TENM4: variants seen among roughly 807,000 people sequenced by gnomAD.
TENM4 encodes the protein teneurin transmembrane protein 4, also known as teneurin-4.
A neutral mutation model predicts 243.3 loss-of-function variants in TENM4; 82 were observed. The ratio of observed to expected loss-of-function variants is 0.34; its 90% confidence interval spans 0.28 to 0.40. The LOEUF (loss-of-function observed/expected upper bound fraction) is 0.40, where lower values mean the gene tolerates loss of function less well. TENM4 is among the 10% of genes least tolerant of loss of function. The probability of loss-of-function intolerance (pLI) is 1.00; values close to 1 mark genes in which losing one functional copy is unlikely to be tolerated. For synonymous variants in TENM4, 1,412 were observed against 1,456.3 expected (o/e 0.97, Z 0.69); for missense variants, 3,138 against 3,673.3 (o/e 0.85, Z 3.77).
intron 2 of TENM4, among the ~76,000 whole-genome samples, chr11:79,233,326 G>A (rs1222866908): frequency 1.3e-5 from 2 of 152,172 alleles, no homozygotes; most frequent in Non-Finnish European, 2.9e-5. Flanking sequence ...GTGGCTGGTT[G>A]GATGGTTAAA....
chr11:79,292,514 C>T (rs1223755111), intron 2 of TENM4, among the ~76,000 whole-genome samples: 1 of 152,248 alleles, frequency 6.6e-6, no homozygotes, highest in Non-Finnish European at 1.5e-5. Flanking sequence ...GCTTCCTAGC[C>T]TTCACCAGCT....
At chr11:78,899,557 A>AGCG (rs1855877857) in intron 7 of TENM4, among the ~76,000 whole-genome samples, 3 of 33,458 alleles carry the variant, frequency 9.0e-5, no homozygotes, top group South Asian at 1.8e-3. Flanking sequence ...TGTCTCAAAA[A>AGCG]GCGGGGGGGG....
intron 3 of TENM4, among the ~76,000 whole-genome samples, chr11:79,190,362 C>A (rs1254483769): frequency 6.6e-6 from 1 of 152,182 alleles, no homozygotes; most frequent in East Asian, 1.9e-4. Context: ...TAAGTGAGAT[C>A]ACACGTGTAA....
intron 12 of TENM4, among the ~76,000 whole-genome samples, chr11:78,820,249 T>C (rs1192277396): frequency 1.6e-4 from 25 of 152,220 alleles, no homozygotes; most frequent in Admixed American, 1.6e-3. Context: ...TTATGAGACA[T>C]AGGTACTTAT....
intron 6 of TENM4, among the ~76,000 whole-genome samples, chr11:79,013,850 C>T (rs562357165): frequency 3.3e-5 from 5 of 152,334 alleles, no homozygotes; most frequent in South Asian, 4.1e-4. Flanking sequence ...CCCAGGCCCC[C>T]GCAGTGGCCC....
Position 79,432,222 on chromosome 11 carries a change from C to T in TENM4, c.-321+8287G>A, listed in dbSNP as rs140951133. Among the ~76,000 whole-genome samples the T allele has an allele frequency of 2.9e-3, 437 of 152,284 alleles. 4 individuals are homozygous for T. The highest frequency in any genetic ancestry group is 9.6e-3 in the African/African-American group (401 of 41,560). ...CCACCTACTTCTACCACATTTCTTT[C>T]AAGGCAAGAGCTGCCTTCTTCCTCC... On this transcript the variant is annotated intron_variant, in intron 1 of 33. Coordinates refer to ENST00000278550, the MANE Select transcript of TENM4 (RefSeq NM_001098816.3).
chr11:78,880,314 T>C (rs1859396702), intron 9 of TENM4, among the ~76,000 whole-genome samples: 1 of 152,186 alleles, frequency 6.6e-6, no homozygotes, highest in South Asian at 2.1e-4. Context: ...ACACAAACAC[T>C]GCGGAAGGCC....
intron 2 of TENM4, among the ~76,000 whole-genome samples, chr11:79,288,719 A>G (rs954517442): frequency 3.3e-5 from 5 of 152,200 alleles, no homozygotes; most frequent in Non-Finnish European, 5.9e-5. Context: ...TTTCCTGGCT[A>G]ATGTGAATGT....
intron 19 of TENM4, among the ~76,000 whole-genome samples, chr11:78,753,461 A>C (rs554302398): frequency 1.1e-4 from 17 of 152,364 alleles, no homozygotes; most frequent in Non-Finnish European, 2.1e-4. Context: ...AGTTGATTTC[A>C]CTTTATCCCA....
intron 31 of TENM4, among the ~76,000 whole-genome samples, chr11:78,670,880 C>G (rs549916361): frequency 1.3e-5 from 2 of 152,256 alleles, no homozygotes; most frequent in Non-Finnish European, 2.9e-5. Flanking sequence ...TGGGTTTGCC[C>G]CTTTGTGCAG....
intron 1 of TENM4, among the ~76,000 whole-genome samples, chr11:79,356,297 C>A (rs11820660): frequency 0.12 from 18,846 of 152,236 alleles, 1,276 homozygotes; most frequent in African/African-American, 0.18. Context: ...AGGCAAGTGA[C>A]AACCTTCTCC....
At chr11:78,725,741 A>G (rs969146013) in intron 23 of TENM4, among the ~76,000 whole-genome samples, 1 of 152,230 alleles carries the variant, frequency 6.6e-6, no homozygotes, top group Admixed American at 6.5e-5. Context: ...ACATTGATGA[A>G]CCAAGACGCT....
intron 4 of TENM4, among the ~76,000 whole-genome samples, chr11:79,111,494 G>A (rs1445157855): frequency 2.0e-5 from 3 of 152,150 alleles, no homozygotes; most frequent in Admixed American, 6.5e-5. Context: ...GCAGTGAGCC[G>A]AGATGGCGCT....
At chr11:78,927,343 CA>C (rs1240693986) in intron 6 of TENM4, among the ~76,000 whole-genome samples, 2 of 152,130 alleles carry the variant, frequency 1.3e-5, no homozygotes, top group Non-Finnish European at 2.9e-5. Flanking sequence ...GAAAAAAATG[CA>C]GACAAAATTT....
intron 17 of TENM4, among the ~76,000 whole-genome samples, chr11:78,774,304 A>G (rs760567472): frequency 7.2e-5 from 11 of 152,176 alleles, no homozygotes; most frequent in Middle Eastern, 3.2e-3. Context: ...TGCCAGCCCA[A>G]CTTGTGTAAC....
chr11:79,233,899 C>G (rs1864415866), intron 2 of TENM4, among the ~76,000 whole-genome samples: 1 of 152,182 alleles, frequency 6.6e-6, no homozygotes, highest in Non-Finnish European at 1.5e-5. Context: ...ATAGGTTGTA[C>G]TGAAGGGTGA....
intron 3 of TENM4, among the ~76,000 whole-genome samples, chr11:79,158,917 G>C (rs1170503680): frequency 6.6e-6 from 1 of 152,128 alleles, no homozygotes; most frequent in East Asian, 1.9e-4. Context: ...ATTGGACCAG[G>C]ATCACAAGCC....
At chr11:78,865,563 GTA>G (rs1858950676) in intron 9 of TENM4, among the ~76,000 whole-genome samples, 1 of 152,146 alleles carries the variant, frequency 6.6e-6, no homozygotes, top group Non-Finnish European at 1.5e-5. Flanking sequence ...TGGCCCCAGT[GTA>G]TGAAGGTGTC....
intron 12 of TENM4, among the ~76,000 whole-genome samples, chr11:78,822,286 C>A (rs750554826): frequency 1.0e-3 from 157 of 152,328 alleles, no homozygotes; most frequent in Non-Finnish European, 1.2e-3. Flanking sequence ...TTAAGTGACA[C>A]TGATCAAATT....
Sources: allele counts gnomAD v4.1 joint callset (sites outside exome capture counted in the v4.1 genomes callset), GRCh38; gene constraint gnomAD v4.1.1; transcripts MANE v1.5; gene names NCBI Gene and HGNC (gene_info 2026-07-23, HGNC 2026-07-21).